The following MMS19 variants were observed in gnomAD, a reference collection of about 807,000 sequenced individuals.
MMS19 encodes the protein MMS19 cytosolic iron-sulfur assembly component, also known as MMS19 nucleotide excision repair protein homolog.
In MMS19, 77 loss-of-function variants were observed where a neutral mutation model predicts 129.8. The ratio of observed to expected loss-of-function variants is 0.59; its 90% CI spans 0.49 to 0.72. The LOEUF is 0.72. Ranked by LOEUF, MMS19 falls within the 30% of genes least tolerant of loss-of-function variation. MMS19 has a pLI of 0.00. For missense variants in MMS19, 1,168 were observed against 1,266.3 expected (o/e 0.92, Z 1.18); for synonymous variants, 491 against 502.8 (o/e 0.98, Z 0.31).
chr10:97,468,089 A>T (rs1322122636), intron 13 of MMS19, among the ~76,000 whole-genome samples, 163 bp downstream of exon 13: 1 of 151,888 alleles, frequency 6.6e-6, no homozygotes, highest in African/African-American at 2.4e-5. Flanking sequence ...CCTTTTATGT[A>T]TGAGACAGGG....
At chr10:97,488,445 A>G (rs929386422) in intron 1 of MMS19, among the ~76,000 whole-genome samples, 1 of 152,218 alleles carries the variant, frequency 6.6e-6, no homozygotes, top group Non-Finnish European at 1.5e-5. Flanking sequence ...TCCTCTAGCT[A>G]TCTAGTCATC....
At chr10:97,481,186 G>A in intron 2 of MMS19, 144 bp from the exon 3 acceptor site, 1 of 654,750 alleles carries the variant, frequency 1.5e-6, no homozygotes, top group Non-Finnish European at 2.7e-6. Context: ...CCAGGAAGGT[G>A]TTCCTGAGGT....
intron 1 of MMS19, among the ~76,000 whole-genome samples, chr10:97,491,388 C>T (rs1046345428): frequency 4.6e-5 from 7 of 152,218 alleles, no homozygotes; most frequent in African/African-American, 9.6e-5. Context: ...AGGTAAAGGC[C>T]GGGCGTGGTG....
Position 97,462,100 on chromosome 10 carries a change from T to A in MMS19, c.2032A>T (p.Thr678Ser). The A allele has an allele frequency of 6.3e-7, 1 of 1,581,716 alleles. No homozygotes were observed. Among genetic ancestry groups the A allele is most frequent in the South Asian group, 1.2e-5 (1 of 86,092 alleles). The change falls in exon 21 of 31, where the codon ACA (threonine) becomes TCA (serine). Residue 678 changes from threonine to serine, a missense_variant. Transcript: ENST00000438925. ...LSPELAAQSV[T>S]HIVPLFLDGN... is the part of the protein sequence containing the mutation. The stretch of plus-strand genomic sequence containing the variant: ...TCCAAGAAGAGGGGCACAATGTGTG[T>A]CACACTCTGGGCAGCTAACCTGGGG...
At chr10:97,467,228 C>T (rs112127639) in intron 14 of MMS19, among the ~76,000 whole-genome samples, 107 of 152,324 alleles carry the variant, frequency 7.0e-4, no homozygotes, top group Non-Finnish European at 1.2e-3. Context: ...TTCCGCCTGC[C>T]TTAGCCTACC....
chr10:97,466,576 G>A lies in MMS19; in HGVS notation c.1433C>T (p.Ser478Phe). 1.2e-6 allele frequency: 2 copies of A among 1,613,110 alleles called. No homozygotes were observed. The highest frequency in any genetic ancestry group is 1.7e-6 in the Non-Finnish European group (2 of 1,179,054). ...TVLGAQPDLL[S>F]YEDLELAVGH... is the part of the protein sequence containing the mutation. Reference sequence around the variant, plus strand: ...CACTGCCAGCTCCAAGTCCTCATAAGATAGGAGATCTGTAGTTAGAAGGGA... The same window carrying A: ...CACTGCCAGCTCCAAGTCCTCATAAAATAGGAGATCTGTAGTTAGAAGGGA... The change falls in exon 16 of 31, where the codon TCT becomes TTT. Residue 478 changes from serine to phenylalanine, a missense_variant. Ser to Phe is a radical substitution (Grantham distance 155). This residue lies in a region of MMS19 where 831 missense variants were observed against 910.8 expected (regional missense o/e 0.91). Transcript: ENST00000438925.
chr10:97,467,441 G>T, intron 14 of MMS19, 64 bp downstream of exon 14: 1 of 1,294,570 alleles, frequency 7.7e-7, no homozygotes. Context: ...TCTTTGCCCT[G>T]CTATCCTTTA....
intron 1 of MMS19, among the ~76,000 whole-genome samples, chr10:97,492,275 C>G (rs1394829255): frequency 6.7e-6 from 1 of 149,750 alleles, no homozygotes; most frequent in Non-Finnish European, 1.5e-5. Context: ...TTGAGACCAT[C>G]CTGGTTAACA....
Position 97,466,792 on chromosome 10 carries a change from G to T in MMS19, c.1407C>A (p.Val469=). 1 of 1,614,006 alleles carries T rather than the reference G, an allele frequency of 6.2e-7. No individual in the cohort carries two copies. Among genetic ancestry groups the T allele is most frequent in the East Asian group, 2.2e-5 (1 of 44,878 alleles). Reference sequence around the variant, plus strand: ...AAGATGTACCTGGCTGGGCACCCAAGACTGTCAGTGTACGGATGCCAACAA... The same window carrying T: ...AAGATGTACCTGGCTGGGCACCCAATACTGTCAGTGTACGGATGCCAACAA... The part of the protein sequence containing the change: ...LQLVGIRTLT[V]LGAQPDLLSY... The change falls in exon 15 of 31, where the codon GTC becomes GTA. Residue 469 remains valine, a synonymous_variant. Transcript: ENST00000438925.
At chr10:97,486,893 AT>A (rs1287988824) in intron 1 of MMS19, among the ~76,000 whole-genome samples, 1 of 137,200 alleles carries the variant, frequency 7.3e-6, no homozygotes, top group Non-Finnish European at 1.6e-5. Flanking sequence ...ATATATATAT[AT>A]AAAATTAAGA....
rs2135401670 is a variant in MMS19 at position 97,476,979 on chromosome 10, T to C, written c.494-16A>G. 2 of 1,613,726 alleles carry C rather than the reference T, an allele frequency of 1.2e-6. No homozygotes were observed. Among genetic ancestry groups the C allele is most frequent in the Non-Finnish European group, 1.7e-6 (2 of 1,179,714 alleles). On this transcript the variant is annotated splice_polypyrimidine_tract_variant and intron_variant, in intron 6 of 30. Coordinates refer to ENST00000438925, the MANE Select transcript of MMS19 (RefSeq NM_022362.5). ...CTCTTTAGCTCTGGGAAGGAGAGAA[T>C]AAGGTTACTATACTGTCCCACAGCA...
intron 12 of MMS19, 79 bp downstream of exon 12, chr10:97,468,887 G>A: frequency 1.4e-6 from 2 of 1,469,542 alleles, no homozygotes; most frequent in Non-Finnish European, 1.8e-6. Context: ...GGGATTACAG[G>A]CGTGAGCCAC....
In MMS19 at chr10:97,478,330, A is replaced by T. The variant is rs1010983836; in HGVS notation, c.322T>A (p.Ser108Thr). 7 of 1,603,798 alleles carry T rather than the reference A, an allele frequency of 4.4e-6. No homozygotes were observed. The highest frequency in any genetic ancestry group is 6.0e-6 in the Non-Finnish European group (7 of 1,175,268). The change falls in exon 4 of 31, where the codon TCT becomes ACT. Residue 108 changes from serine (S) to threonine (T), a missense_variant. This residue lies in a region of MMS19 where 329 missense variants were observed against 328.6 expected (regional missense o/e 1.00). Transcript: ENST00000438925. ...AGTGCCTTCAAACCCTGCAGGACAG[A>T]TGGGATCACAAGATGATGGTCCTTC... ...RLKDHHLVIP[S>T]VLQGLKALSL...
At chr10:97,474,035 T>C (rs1470496780) in intron 8 of MMS19, among the ~76,000 whole-genome samples, 1 of 150,120 alleles carries the variant, frequency 6.7e-6, no homozygotes, top group Non-Finnish European at 1.5e-5. Context: ...TTCCAGCTAC[T>C]CGGGAGGCAG....
chr10:97,482,486 T>C (rs997517252), intron 2 of MMS19, among the ~76,000 whole-genome samples: 1 of 151,974 alleles, frequency 6.6e-6, no homozygotes, highest in African/African-American at 2.4e-5. Context: ...GGCAAAGCCA[T>C]AGAAGACAGA....
At chr10:97,465,011 T>C (rs1213685225) in intron 18 of MMS19, among the ~76,000 whole-genome samples, 3 of 150,548 alleles carry the variant, frequency 2.0e-5, no homozygotes, top group African/African-American at 7.3e-5. Flanking sequence ...GCCCGGCACT[T>C]TTTTTTTTCT....
chr10:97,460,767 G>A lies in MMS19; in HGVS notation c.2413-16C>T, dbSNP rs369546919. On this transcript the variant is annotated splice_polypyrimidine_tract_variant and intron_variant, in intron 24 of 30. Coordinates refer to ENST00000438925, the MANE Select transcript of MMS19 (RefSeq NM_022362.5). ...CCTTTGTTACCTGTAATTGGAGACAGAGAGAGCAATTGGGGAATGACACTC... is the reference window on the plus strand; with the variant it reads ...CCTTTGTTACCTGTAATTGGAGACAAAGAGAGCAATTGGGGAATGACACTC... 1.3e-6 allele frequency: 2 copies of A among 1,590,108 alleles called. No individual in the cohort carries two copies. Among genetic ancestry groups the A allele is most frequent in the Non-Finnish European group, 1.7e-6 (2 of 1,167,142 alleles).
chr10:97,476,119 G>A (rs915707142), intron 8 of MMS19, among the ~76,000 whole-genome samples: 12 of 152,222 alleles, frequency 7.9e-5, no homozygotes, highest in African/African-American at 2.2e-4. Context: ...GGCAGTAGAA[G>A]GGAACTCAAC....
At chr10:97,484,778 G>A (rs552613780) in intron 1 of MMS19, among the ~76,000 whole-genome samples, 49 of 152,252 alleles carry the variant, frequency 3.2e-4, no homozygotes, top group Admixed American at 7.2e-4. Context: ...TTAGCCAGGC[G>A]TGGTGGCATG....
Sources: allele counts gnomAD v4.1 joint callset (sites outside exome capture counted in the v4.1 genomes callset), GRCh38; gene constraint gnomAD v4.1.1; regional missense constraint gnomAD v4.1.1; transcripts MANE v1.5; gene names NCBI Gene and HGNC (gene_info 2026-07-23, HGNC 2026-07-21).